DMXL1: variants seen among roughly 807,000 people sequenced by gnomAD.
DMXL1 encodes Dmx like 1.
In DMXL1, 99 loss-of-function variants were observed where a neutral mutation model predicts 319.2. The ratio of observed to expected loss-of-function variants is 0.31; its 90% confidence interval spans 0.26 to 0.37. The LOEUF is 0.37. Ranked by LOEUF, DMXL1 falls within the 10% of genes least tolerant of loss-of-function variation. The pLI, the probability that DMXL1 is intolerant of heterozygous loss-of-function variation, is 1.00. For missense variants in DMXL1, 3,745 were observed against 3,595.6 expected (o/e 1.04, Z -1.06); for synonymous variants, 1,385 against 1,235.2 (o/e 1.12, Z -2.54).
intron 28 of DMXL1, chr5:119,178,513 C>T (rs930938926): frequency 2.0e-4 from 122 of 625,182 alleles, no homozygotes; most frequent in Non-Finnish European, 2.2e-4. Context: ...TGTTTTGAAA[C>T]ACACTGTAAT....
At chr5:119,083,076 T>C (rs1752581093) in intron 1 of DMXL1, among the ~76,000 whole-genome samples, 1 of 152,204 alleles carries the variant, frequency 6.6e-6, no homozygotes, top group Non-Finnish European at 1.5e-5. Flanking sequence ...AGTGGCATGA[T>C]CTTGGCTCAC....
intron 1 of DMXL1, chr5:119,081,458 A>G (rs969013224): frequency 1.9e-6 from 1 of 539,804 alleles, no homozygotes; most frequent in Non-Finnish European, 2.4e-6. Flanking sequence ...TTTAAAATAA[A>G]ACATATTTTA....
At chr5:119,200,720 A>C (rs1254702543) in intron 32 of DMXL1, among the ~76,000 whole-genome samples, 1 of 151,942 alleles carries the variant, frequency 6.6e-6, no homozygotes, top group East Asian at 1.9e-4. Flanking sequence ...TGTTTTTTCC[A>C]TTTGTTTGTG....
chr5:119,126,362 CA>C (rs1324944260), intron 9 of DMXL1, among the ~76,000 whole-genome samples: 1 of 152,124 alleles, frequency 6.6e-6, no homozygotes, highest in African/African-American at 2.4e-5. Context: ...TTATAATTAT[CA>C]AAAAAGTTTG....
chr5:119,078,893 A>G (rs1176626249), intron 1 of DMXL1, among the ~76,000 whole-genome samples: 5 of 152,218 alleles, frequency 3.3e-5, no homozygotes, highest in African/African-American at 4.8e-5. Flanking sequence ...TACAATTTAT[A>G]TAATTTAGCA....
chr5:119,153,071 G>A (rs1389559254), intron 19 of DMXL1, among the ~76,000 whole-genome samples: 1 of 151,834 alleles, frequency 6.6e-6, no homozygotes, highest in Non-Finnish European at 1.5e-5. Flanking sequence ...CCATTTCCTG[G>A]GTTCAACTGA....
Position 119,225,777 on chromosome 5 carries a change from T to A in DMXL1, c.8338+1008T>A, listed in dbSNP as rs571064433. ...TAGAGGTATAACATAATATAAAAAA[T>A]TTGTCTGTTTTCACTACATCAAATT... On this transcript the variant is annotated intron_variant, in intron 38 of 43. Coordinates refer to ENST00000539542, the MANE Select transcript of DMXL1 (RefSeq NM_001290321.3). Among the ~76,000 whole-genome samples the A allele has an allele frequency of 2.6e-5, 4 of 152,232 alleles. No individual in the cohort carries two copies. The South Asian group carries it at 8.3e-4, about 32-fold the overall frequency.
chr5:119,129,492 A>G (rs1366408610), intron 10 of DMXL1, 69 bp downstream of exon 10: 2 of 1,094,838 alleles, frequency 1.8e-6, no homozygotes, highest in Admixed American at 5.2e-5. Flanking sequence ...TATTAGGGTA[A>G]AACTAGCTAC....
At chr5:119,100,765 G>GTTTTT (rs1757070937) in intron 2 of DMXL1, 1 of 81,084 alleles carries the variant, frequency 1.2e-5, no homozygotes, top group African/African-American at 4.4e-5. Context: ...CTTTACATCT[G>GTTTTT]TTTTCTTTTT....
chr5:119,205,623 G>A lies in DMXL1; in HGVS notation c.7864-1211G>A, dbSNP rs528773034. Among the ~76,000 whole-genome samples, 51 of 151,836 alleles carry A rather than the reference G, an allele frequency of 3.4e-4. 1 individual carries two copies. In the South Asian group the frequency reaches 8.3e-3, roughly 25 times the overall value. On this transcript the variant is annotated intron_variant, in intron 33 of 43. Transcript: ENST00000539542. Reference sequence around the variant, plus strand: ...TATTTAAACCTTGACACAATTAATGGTAGTTATTAAAAGTTTGTTGTTATT... The same window carrying A: ...TATTTAAACCTTGACACAATTAATGATAGTTATTAAAAGTTTGTTGTTATT...
intron 1 of DMXL1, among the ~76,000 whole-genome samples, chr5:119,086,410 T>C (rs965689328): frequency 2.6e-5 from 4 of 152,208 alleles, no homozygotes; most frequent in African/African-American, 9.7e-5. Flanking sequence ...TTTATCATGG[T>C]GAATGATCTT....
intron 2 of DMXL1, among the ~76,000 whole-genome samples, chr5:119,098,973 T>C (rs1756613418): frequency 6.6e-6 from 1 of 152,236 alleles, no homozygotes; most frequent in Admixed American, 6.5e-5. Flanking sequence ...AGTTGCCATC[T>C]GGGACTTAAA....
At chr5:119,114,806 C>G (rs1443713759) in intron 6 of DMXL1, among the ~76,000 whole-genome samples, 2 of 152,090 alleles carry the variant, frequency 1.3e-5, no homozygotes, top group African/African-American at 2.4e-5. Context: ...GTAGCTGGGA[C>G]TATAGCCCCA....
chr5:119,076,792 A>C (rs954385742), intron 1 of DMXL1, among the ~76,000 whole-genome samples: 2 of 152,150 alleles, frequency 1.3e-5, no homozygotes, highest in Admixed American at 6.6e-5. Flanking sequence ...TGAAATTTAG[A>C]ATATTTGAGA....
intron 28 of DMXL1, among the ~76,000 whole-genome samples, chr5:119,185,856 T>C (rs751133870): frequency 6.6e-6 from 1 of 152,118 alleles, no homozygotes; most frequent in Non-Finnish European, 1.5e-5. Flanking sequence ...AGAAGTACCT[T>C]CAATTAATTG....
Position 119,248,424 on chromosome 5 carries a change from G to C in DMXL1, c.*1205G>C, listed in dbSNP as rs1790107933. 1 of 152,406 alleles carries C rather than the reference G, an allele frequency of 6.6e-6. No individual in the cohort carries two copies. The highest frequency in any genetic ancestry group is 1.5e-5 in the Non-Finnish European group (1 of 67,912). The allele number at this position is 152,406 out of a possible 1,614,324, so 9.4% of individuals were successfully genotyped here. A position where few individuals can be genotyped will look rare whatever the true frequency, so the allele number is the denominator to read the frequency against. Reference sequence around the variant, plus strand: ...CTAACCCTGTTTCTGTCTGTTTTGTGCTGTACCTTTTCTGATTCAGAATTA... The same window carrying C: ...CTAACCCTGTTTCTGTCTGTTTTGTCCTGTACCTTTTCTGATTCAGAATTA... On this transcript the variant is annotated 3_prime_UTR_variant, in exon 44 of 44. Coordinates refer to ENST00000539542, the MANE Select transcript of DMXL1 (RefSeq NM_001290321.3).
At chr5:119,214,906 G>A (rs964292296) in intron 34 of DMXL1, among the ~76,000 whole-genome samples, 16 of 152,112 alleles carry the variant, frequency 1.1e-4, no homozygotes, top group African/African-American at 3.9e-4. Context: ...ACCAGCAAGT[G>A]GCACATCCCT....
rs761570834 is a variant in DMXL1, at chr5:119,105,182, A to G, written c.288A>G (p.Glu96=). ...TAAATGACTTTTCTTAATTTTAGGA[A>G]TTATATAGTCAGTGGCAGAAAAGTG... ...VNLPKQKKNL[E]LYSQWQKSGQ... The change falls in exon 4 of 44, where the codon GAA becomes GAG. Residue 96 remains glutamate (E), a splice_region_variant and synonymous_variant. Transcript: ENST00000539542. 1.2e-6 allele frequency: 2 copies of G among 1,606,272 alleles called. No individual in the cohort carries two copies. The highest frequency in any genetic ancestry group is 2.2e-5 in the East Asian group (1 of 44,764).
At chr5:119,233,524 C>A in intron 39 of DMXL1, 57 bp downstream of exon 39, 1 of 1,503,396 alleles carries the variant, frequency 6.7e-7, no homozygotes, top group South Asian at 1.2e-5. Context: ...TTTATAAATT[C>A]CACTAGTTTG....
Sources: allele counts gnomAD v4.1 joint callset (sites outside exome capture counted in the v4.1 genomes callset), GRCh38; gene constraint gnomAD v4.1.1; transcripts MANE v1.5; gene names NCBI Gene and HGNC (gene_info 2026-07-23, HGNC 2026-07-21).